Variants in ATP2B1 observed in about 807,000 individuals in gnomAD.
ATP2B1 encodes ATPase plasma membrane Ca2+ transporting 1.
In ATP2B1, 14 loss-of-function variants were observed where a neutral mutation model predicts 124.2. That is an observed-to-expected ratio of 0.11 (90% CI 0.07 to 0.18). ATP2B1 has a LOEUF of 0.18. Among genes scored for constraint, ATP2B1 ranks in the 10% least tolerant of loss-of-function variants. The pLI, the probability that ATP2B1 is intolerant of heterozygous loss-of-function variation, is 1.00. For missense variants in ATP2B1, 763 were observed against 1,466.1 expected, an observed-to-expected ratio of 0.52 and a Z score of 7.83; for synonymous variants, 449 against 492.4, an observed-to-expected ratio of 0.91 and a Z score of 1.17.
chr12:89,678,685 A>G lies in ATP2B1; in HGVS notation c.-221-22578T>C, dbSNP rs116526493. 2.0e-3 allele frequency among the ~76,000 whole-genome samples: 312 copies of G among 152,318 alleles called. 2 individuals carry two copies. The highest frequency in any genetic ancestry group is 7.2e-3 in the African/African-American group (300 of 41,586). The stretch of plus-strand genomic sequence containing the variant: ...AACAAAAATCAAGACTTGCCTTAAG[A>G]AGCAATTGAACCTGTATACTGCCAG... On this transcript the variant is annotated intron_variant, in intron 1 of 20. Transcript: ENST00000428670.
chr12:89,630,764 T>C (rs1592794866), intron 5 of ATP2B1, 119 bp from the exon 6 acceptor site: 1 of 292,450 alleles, frequency 3.4e-6, no homozygotes, highest in Non-Finnish European at 6.0e-6. Flanking sequence ...AAAATATATA[T>C]AAATATAAAT....
Position 89,635,047 on chromosome 12 carries a change from T to C in ATP2B1, c.611A>G (p.Gln204Arg), listed in dbSNP as rs1882472412. The C allele has an allele frequency of 1.2e-6, 2 of 1,613,886 alleles. No individual in the cohort carries two copies. The highest frequency in any genetic ancestry group is 1.7e-6 in the Non-Finnish European group (2 of 1,179,894). Residue 204 changes from glutamine to arginine, a missense_variant, in exon 4 of 21, where the codon CAG (glutamine) becomes CGG (arginine). Physicochemically the swap from Gln to Arg is conservative, Grantham distance 43. Coordinates refer to ENST00000428670, the MANE Select transcript of ATP2B1 (RefSeq NM_001366521.1). ...FTVIRGGQVI[Q>R]IPVADITVGD... Reference sequence around the variant, plus strand: ...AACAGTAATGTCAGCTACAGGTATCTGAATGACCTGACCACCCCTGATGAC... The same window carrying C: ...AACAGTAATGTCAGCTACAGGTATCCGAATGACCTGACCACCCCTGATGAC...
intron 1 of ATP2B1, among the ~76,000 whole-genome samples, chr12:89,657,396 C>G (rs1490415990): frequency 6.6e-6 from 1 of 152,184 alleles, no homozygotes; most frequent in Non-Finnish European, 1.5e-5. Context: ...GCCACTAAAT[C>G]TAAACCTACA....
chr12:89,699,188 T>G (rs1360744834), intron 1 of ATP2B1, among the ~76,000 whole-genome samples: 1 of 152,218 alleles, frequency 6.6e-6, no homozygotes. Flanking sequence ...TTTTTAAGTC[T>G]ACTAAGTCAA....
chr12:89,601,266 C>T, intron 19 of ATP2B1, 60 bp downstream of exon 19: 2 of 1,144,016 alleles, frequency 1.7e-6, no homozygotes, highest in Non-Finnish European at 2.5e-6. Flanking sequence ...AGAAAATACA[C>T]ACTAGAAATT....
chr12:89,632,115 T>A lies in ATP2B1; in HGVS notation c.788-1470A>T, dbSNP rs144024672. The stretch of plus-strand genomic sequence containing the variant: ...GCTTCTAATCCGTCTAATCTTTTTG[T>A]TAGTTTTAAGCAGGCTTTAAAGCAA... On this transcript the variant is annotated intron_variant, in intron 5 of 20. Coordinates refer to ENST00000428670, the MANE Select transcript of ATP2B1 (RefSeq NM_001366521.1). Among the ~76,000 whole-genome samples the A allele has an allele frequency of 2.0e-5, 3 of 152,044 alleles. No individual in the cohort carries two copies. The East Asian group carries it at 5.8e-4, about 29-fold the overall frequency.
intron 20 of ATP2B1, 64 bp downstream of exon 20, chr12:89,599,053 C>T (rs1875268767): frequency 6.4e-7 from 1 of 1,554,450 alleles, no homozygotes; most frequent in African/African-American, 1.4e-5. Flanking sequence ...ACACTCGAAC[C>T]TCCTCCCCAG....
Position 89,611,215 on chromosome 12 carries a change from C to T in ATP2B1, c.2225G>A (p.Arg742Lys), listed in dbSNP as rs1193032111. Residue 742 changes from arginine to lysine, a missense_variant, in exon 13 of 21, where the codon AGA becomes AAA. Around this residue, in one of 7 missense-constraint regions of ATP2B1, gnomAD observed 392 missense variants for 776.6 expected, o/e 0.50. Coordinates refer to ENST00000428670, the MANE Select transcript of ATP2B1 (RefSeq NM_001366521.1). ...TACCTCTCCTTTTTCATTTCGTATTCTTCTGTTAAAATCTTTACCTTCTAG... is the reference window on the plus strand; with the variant it reads ...TACCTCTCCTTTTTCATTTCGTATTTTTCTGTTAAAATCTTTACCTTCTAG... ...LCLEGKDFNRRIRNEKGEIEQ... is the reference protein window; with the variant it reads ...LCLEGKDFNRKIRNEKGEIEQ... 1 of 1,588,538 alleles carries T rather than the reference C, an allele frequency of 6.3e-7. No homozygotes were observed.
intron 15 of ATP2B1, among the ~76,000 whole-genome samples, chr12:89,609,144 C>T (rs956489080): frequency 6.6e-6 from 1 of 152,154 alleles, no homozygotes; most frequent in Non-Finnish European, 1.5e-5. Flanking sequence ...GACTGTGATT[C>T]GGAATTCAGT....
upstream of ATP2B1, chr12:89,708,864 A>T (rs1313879571): frequency 6.6e-6 from 1 of 151,912 alleles, no homozygotes; most frequent in Non-Finnish European, 1.5e-5. Context: ...GCAGCGAAGG[A>T]GGAGGAGGCG....
intron 2 of ATP2B1, chr12:89,655,465 C>T (rs1365163573): frequency 2.7e-5 from 15 of 548,648 alleles, no homozygotes; most frequent in Middle Eastern, 4.9e-4. Context: ...TATTTCATCC[C>T]GCCAATCTAA....
intron 2 of ATP2B1, among the ~76,000 whole-genome samples, chr12:89,645,941 T>A (rs1242493383): frequency 6.6e-6 from 1 of 152,194 alleles, no homozygotes; most frequent in Non-Finnish European, 1.5e-5. Flanking sequence ...AGGTTGCTGC[T>A]TATAAAGTAT....
At chr12:89,692,518 T>G (rs1890668442) in intron 1 of ATP2B1, among the ~76,000 whole-genome samples, 1 of 152,154 alleles carries the variant, frequency 6.6e-6, no homozygotes, top group African/African-American at 2.4e-5. Context: ...TGAACTGGAA[T>G]CAGCAGATCA....
At chr12:89,651,561 C>A (rs1885259417) in intron 2 of ATP2B1, among the ~76,000 whole-genome samples, 3 of 152,160 alleles carry the variant, frequency 2.0e-5, no homozygotes, top group Non-Finnish European at 4.4e-5. Context: ...AGCCACCATA[C>A]CTGGCCAGGG....
chr12:89,599,164 G>A lies in ATP2B1; in HGVS notation c.3304C>T (p.Arg1102Cys), dbSNP rs2135912742. ...EIDHAERELRRGQILWFRGLN... is the reference protein window; with the variant it reads ...EIDHAERELRCGQILWFRGLN... ...CCTCTAAACCACAAGATTTGGCCAC[G>A]CCGCAACTCCCTTTCAGCGTGATCA... The change falls in exon 20 of 21, where the codon CGT becomes TGT. Residue 1102 changes from arginine to cysteine, a missense_variant. Arg to Cys is a radical substitution (Grantham distance 180, BLOSUM62 -3). Transcript: ENST00000428670. 1 of 1,614,090 alleles carries A rather than the reference G, an allele frequency of 6.2e-7. No individual in the cohort carries two copies. The highest frequency in any genetic ancestry group is 8.5e-7 in the Non-Finnish European group (1 of 1,180,020).
chr12:89,673,999 G>A (rs577408128), intron 1 of ATP2B1, among the ~76,000 whole-genome samples: 171 of 152,260 alleles, frequency 1.1e-3, no homozygotes, highest in African/African-American at 3.8e-3. Context: ...TGTTTCTGAA[G>A]AGGTGAAGAC....
chr12:89,598,492 G>C (rs984122467), intron 20 of ATP2B1: 1 of 1,359,400 alleles, frequency 7.4e-7, no homozygotes, highest in Non-Finnish European at 1.0e-6. Context: ...TTATGAAAAA[G>C]CCTGAACAAT....
chr12:89,662,624 C>T (rs1229486264), intron 1 of ATP2B1, among the ~76,000 whole-genome samples: 5 of 152,060 alleles, frequency 3.3e-5, no homozygotes, highest in African/African-American at 1.2e-4. Context: ...TAAAGAATAA[C>T]ATATAAACAA....
At chr12:89,667,414 A>G (rs1887444405) in intron 1 of ATP2B1, among the ~76,000 whole-genome samples, 1 of 152,170 alleles carries the variant, frequency 6.6e-6, no homozygotes, top group Non-Finnish European at 1.5e-5. Context: ...TTACCCAGGG[A>G]TCTATCCACA....
Sources: gnomAD v4.1 joint callset for allele counts (sites outside exome capture counted in the v4.1 genomes callset) on GRCh38, gnomAD v4.1.1 for gene constraint, gnomAD v4.1.1 regional missense constraint, MANE v1.5 for transcripts, NCBI Gene and HGNC (gene_info 2026-07-23, HGNC 2026-07-21) for gene names.